Variants in KIF6 observed in about 807,000 individuals in gnomAD.
KIF6 encodes kinesin family member 6, also known as kinesin-like protein KIF6.
A neutral mutation model predicts 112.7 loss-of-function variants in KIF6; 106 were observed. The observed-to-expected ratio is 0.94, with a 90% confidence interval of 0.80 to 1.11. KIF6 has a LOEUF of 1.11. Ranked by LOEUF, KIF6 falls within the 50% of genes least tolerant of loss-of-function variation. The pLI is 0.00. For missense variants in KIF6, 929 were observed against 964.0 expected, an observed-to-expected ratio of 0.96 and a Z score of 0.48; for synonymous variants, 339 against 339.9, an observed-to-expected ratio of 1.00 and a Z score of 0.03.
chr6:39,473,046 C>T (rs1774222344), intron 13 of KIF6, among the ~76,000 whole-genome samples: 1 of 152,074 alleles, frequency 6.6e-6, no homozygotes, highest in Non-Finnish European at 1.5e-5. Context: ...GCCACCATGC[C>T]CAGCTAATTT....
intron 5 of KIF6, among the ~76,000 whole-genome samples, chr6:39,619,070 GA>G (rs1783680744): frequency 6.6e-6 from 1 of 152,012 alleles, no homozygotes; most frequent in Non-Finnish European, 1.5e-5. Context: ...ACACGTTTTA[GA>G]AACTAAGTTA....
chr6:39,693,878 T>C (rs34305552), intron 3 of KIF6, among the ~76,000 whole-genome samples: 48,973 of 151,808 alleles, frequency 0.32, 9,243 homozygotes, highest in Non-Finnish European at 0.4. Context: ...AAGAAAACTA[T>C]AAGCCAATAT....
intron 13 of KIF6, among the ~76,000 whole-genome samples, chr6:39,475,003 C>T (rs11962587): frequency 0.06 from 9,208 of 152,302 alleles, 495 homozygotes; most frequent in East Asian, 0.25. Context: ...AATGTTCTTT[C>T]TCTTGCATTT....
At chr6:39,565,960 A>C (rs988948015) in intron 10 of KIF6, among the ~76,000 whole-genome samples, 6 of 152,218 alleles carry the variant, frequency 3.9e-5, no homozygotes, top group Admixed American at 2.0e-4. Flanking sequence ...CTGAACTTCT[A>C]CAAAGAGATG....
intron 3 of KIF6, among the ~76,000 whole-genome samples, chr6:39,642,052 C>T (rs758126307): frequency 2.6e-5 from 4 of 152,116 alleles, no homozygotes; most frequent in African/African-American, 9.7e-5. Flanking sequence ...GTAGAGCCTC[C>T]ATTCCAACTC....
chr6:39,682,693 C>T (rs2113777069), intron 3 of KIF6, among the ~76,000 whole-genome samples: 1 of 152,274 alleles, frequency 6.6e-6, no homozygotes, highest in South Asian at 2.1e-4. Flanking sequence ...GATTCTCCTG[C>T]CTCAGCCTCC....
At chr6:39,538,453 G>C (rs372365918) in intron 13 of KIF6, among the ~76,000 whole-genome samples, 6,190 of 151,402 alleles carry the variant, frequency 0.041, 268 homozygotes, top group East Asian at 0.25. Context: ...GCAGCCAAAA[G>C]ACACATGAAA....
At chr6:39,371,154 A>T (rs191326791) in intron 16 of KIF6, among the ~76,000 whole-genome samples, 116 of 152,312 alleles carry the variant, frequency 7.6e-4, no homozygotes, top group African/African-American at 2.6e-3. Flanking sequence ...GTACACGATC[A>T]GCCCTTGTGA....
At chr6:39,681,261 A>G (rs1409996686) in intron 3 of KIF6, among the ~76,000 whole-genome samples, 3 of 152,166 alleles carry the variant, frequency 2.0e-5, no homozygotes, top group Non-Finnish European at 4.4e-5. Context: ...TCAGAAGAAT[A>G]CCCAATTAAA....
chr6:39,636,898 T>C (rs1386869668), intron 4 of KIF6, among the ~76,000 whole-genome samples: 1 of 152,072 alleles, frequency 6.6e-6, no homozygotes, highest in East Asian at 1.9e-4. Flanking sequence ...TATCCTCAGC[T>C]GTTTCACCAT....
chr6:39,598,944 G>T (rs1213884863), intron 6 of KIF6, among the ~76,000 whole-genome samples: 1 of 152,162 alleles, frequency 6.6e-6, no homozygotes, highest in Non-Finnish European at 1.5e-5. Context: ...AGGTCATTAA[G>T]TATAAAAACA....
chr6:39,415,549 T>A (rs961360006), intron 15 of KIF6, among the ~76,000 whole-genome samples: 4 of 152,184 alleles, frequency 2.6e-5, no homozygotes, highest in African/African-American at 9.7e-5. Context: ...TCCTTGTAAT[T>A]TGGAGCTGGC....
At chr6:39,337,215 CTTT>C (rs1562102842) in intron 22 of KIF6, among the ~76,000 whole-genome samples, 6 of 94,976 alleles carry the variant, frequency 6.3e-5, no homozygotes, top group African/African-American at 4.2e-4. Context: ...TTCTTTCTTT[CTTT>C]CTTTCTTTCT....
chr6:39,552,163 T>A (rs1376150047), intron 10 of KIF6, among the ~76,000 whole-genome samples: 1 of 152,196 alleles, frequency 6.6e-6, no homozygotes, highest in Non-Finnish European at 1.5e-5. Context: ...CAAACAAAGA[T>A]GTAACTGGAA....
chr6:39,651,748 T>C (rs933918306), intron 3 of KIF6, among the ~76,000 whole-genome samples: 9 of 152,076 alleles, frequency 5.9e-5, no homozygotes, highest in Admixed American at 3.9e-4. Context: ...AGGAGGAAAA[T>C]TGCCCTTTGG....
chr6:39,674,701 T>C (rs1184034563), intron 3 of KIF6, among the ~76,000 whole-genome samples: 6 of 151,684 alleles, frequency 4.0e-5, no homozygotes, highest in Admixed American at 4.0e-4. Context: ...TCCTGGGCTA[T>C]GTACATGAAT....
intron 3 of KIF6, among the ~76,000 whole-genome samples, chr6:39,688,665 C>A (rs921685824): frequency 1.3e-5 from 2 of 152,124 alleles, no homozygotes; most frequent in African/African-American, 4.8e-5. Flanking sequence ...CAAGCCAAAC[C>A]CATAAAAAGA....
rs887133025 is a variant in KIF6, at chr6:39,343,408, T to C, written c.2428+301A>G. 3.7e-6 allele frequency: 5 copies of C among 1,362,068 alleles called. No homozygotes were observed. The highest frequency in any genetic ancestry group is 4.8e-6 in the Non-Finnish European group (5 of 1,036,454). The allele number at this position is 1,362,068 out of a possible 1,614,324, so 84.4% of individuals were successfully genotyped here. A position where few individuals can be genotyped will look rare whatever the true frequency, so the allele number is the denominator to read the frequency against. ...CCTGAGCAGAGGAGACAGCTGACTT[T>C]GGGAACAGAGAACAAAGGAGCTGAA... On this transcript the variant is annotated intron_variant, in intron 22 of 22. Coordinates refer to ENST00000287152, the MANE Select transcript of KIF6 (RefSeq NM_145027.6). This position sits in a 1 kb window ranked among gnomAD's most constrained non-coding sequence, Gnocchi z 4.1.
At chr6:39,550,099 CT>C (rs1226460002) in intron 10 of KIF6, among the ~76,000 whole-genome samples, 8 of 152,102 alleles carry the variant, frequency 5.3e-5, no homozygotes, top group African/African-American at 1.7e-4. Context: ...CCTCACTCTT[CT>C]TCAATATTTT....
Sources: gnomAD v4.1 joint callset for allele counts (sites outside exome capture counted in the v4.1 genomes callset) on GRCh38, gnomAD v4.1.1 for gene constraint, Gnocchi (gnomAD v3.1) non-coding constraint, MANE v1.5 for transcripts, NCBI Gene and HGNC (gene_info 2026-07-23, HGNC 2026-07-21) for gene names.